Variants in KIF24 observed in about 807,000 individuals in gnomAD.
The protein encoded by KIF24 is kinesin family member 24, also known as kinesin-like protein KIF24.
A neutral mutation model predicts 118.9 loss-of-function variants in KIF24; 81 were observed. That is an observed-to-expected ratio of 0.68 (90% confidence interval 0.57 to 0.82). The LOEUF is 0.82. Ranked by LOEUF, KIF24 falls within the 40% of genes least tolerant of loss-of-function variation. The probability of loss-of-function intolerance (pLI) is 0.00; values close to 1 mark genes in which losing one functional copy is unlikely to be tolerated. For synonymous variants in KIF24, 599 were observed against 610.0 expected, an observed-to-expected ratio of 0.98 and a Z score of 0.27; for missense variants, 1,560 against 1,661.6, an observed-to-expected ratio of 0.94 and a Z score of 1.06.
At chr9:34,310,503 T>G (rs1415054651) in intron 2 of KIF24, among the ~76,000 whole-genome samples, 1 of 152,226 alleles carries the variant, frequency 6.6e-6, no homozygotes, top group African/African-American at 2.4e-5. Context: ...CTGATGTACA[T>G]GAACAATATC....
chr9:34,311,303 G>C lies in KIF24; in HGVS notation c.44C>G (p.Ala15Gly). Residue 15 changes from alanine (A) to glycine (G), a missense_variant, in exon 2 of 13, where the codon GCA becomes GGA. By Grantham distance (60) the Ala-to-Gly change is moderately conservative. Around this residue, in one of 3 missense-constraint regions of KIF24, gnomAD observed 964 missense variants for 988.0 expected, o/e 0.98. Coordinates refer to ENST00000402558, the MANE Select transcript of KIF24 (RefSeq NM_194313.4). ...LYECLCEAEL[A>G]QYYSHFTALG... ...GGCAGTGAAATGAGAATAATACTGT[G>C]CAAGTTCAGCTTCACAAAGACATTC... 1 of 1,593,680 alleles carries C rather than the reference G, an allele frequency of 6.3e-7. No individual in the cohort carries two copies. Among genetic ancestry groups the C allele is most frequent in the East Asian group, 2.2e-5 (1 of 44,548 alleles).
intron 10 of KIF24, among the ~76,000 whole-genome samples, chr9:34,258,464 T>TA (rs1834939564): frequency 6.6e-6 from 1 of 152,178 alleles, no homozygotes; most frequent in South Asian, 2.1e-4. Flanking sequence ...GGTGAGACTC[T>TA]GTCTTTAAAA....
intron 1 of KIF24, among the ~76,000 whole-genome samples, chr9:34,322,177 A>T (rs1587977381): frequency 1.3e-5 from 2 of 152,232 alleles, no homozygotes; most frequent in East Asian, 3.9e-4. Context: ...ATAAGGAAGT[A>T]GTAGACCAAA....
At chr9:34,288,366 T>TCAG (rs1211042928) in intron 5 of KIF24, among the ~76,000 whole-genome samples, 3 of 151,914 alleles carry the variant, frequency 2.0e-5, no homozygotes, top group Non-Finnish European at 2.9e-5. Context: ...CATGTACCTG[T>TCAG]AGTCCCAGTT....
chr9:34,303,258 C>T (rs1029552228), intron 3 of KIF24, among the ~76,000 whole-genome samples: 8 of 152,044 alleles, frequency 5.3e-5, no homozygotes, highest in African/African-American at 1.9e-4. Context: ...AAGCAGAGGC[C>T]AGACCACGTA....
At position 34,318,506 on chromosome 9, in the gene KIF24, A is replaced by T; in HGVS notation, c.-25-7135T>A. On this transcript the variant is annotated intron_variant, in intron 1 of 12. Coordinates refer to ENST00000402558, the MANE Select transcript of KIF24 (RefSeq NM_194313.4). The surrounding 1 kb of genome is among the most constrained non-coding windows in gnomAD (Gnocchi z 4.9). Reference sequence around the variant, plus strand: ...CACAGCAGCTCCTGGCACCGCAGAGAAGCTGAGCCCCAAGGCAGCCACGCT... The same window carrying T: ...CACAGCAGCTCCTGGCACCGCAGAGTAGCTGAGCCCCAAGGCAGCCACGCT... 1.2e-6 allele frequency: 1 copy of T among 868,048 alleles called. No homozygotes were observed. Among genetic ancestry groups the T allele is most frequent in the Non-Finnish European group, 1.9e-6 (1 of 530,408 alleles). The allele number at this position is 868,048 out of a possible 1,614,324, so 53.8% of individuals were successfully genotyped here.
At chr9:34,283,041 A>T (rs1232790590) in intron 6 of KIF24, among the ~76,000 whole-genome samples, 3 of 136,844 alleles carry the variant, frequency 2.2e-5, no homozygotes, top group African/African-American at 8.1e-5. Flanking sequence ...GACAAGAGCA[A>T]AACTCCGTCT....
chr9:34,290,432 A>G, intron 4 of KIF24, 43 bp from the exon 5 acceptor site: 1 of 1,240,208 alleles, frequency 8.1e-7, no homozygotes, highest in Non-Finnish European at 1.2e-6. Context: ...TATTAAGAGA[A>G]GTATTAGTTT....
intron 6 of KIF24, among the ~76,000 whole-genome samples, chr9:34,284,565 T>C (rs1314099653): frequency 6.6e-6 from 1 of 152,272 alleles, no homozygotes; most frequent in Middle Eastern, 3.4e-3. Flanking sequence ...AAGCATAATA[T>C]TGAGCAAAAG....
intron 6 of KIF24, among the ~76,000 whole-genome samples, chr9:34,276,879 A>T (rs1835677639): frequency 6.6e-6 from 1 of 152,154 alleles, no homozygotes; most frequent in East Asian, 1.9e-4. Context: ...GCTGAGAAAA[A>T]AGCACTGCTA....
rs757062155 is a variant in KIF24 at position 34,271,848 on chromosome 9, T to C, written c.1298A>G (p.Gln433Arg). 1.2e-6 allele frequency: 2 copies of C among 1,612,842 alleles called. No homozygotes were observed. The highest frequency in any genetic ancestry group is 1.1e-5 in the South Asian group (1 of 90,656). ...ADSSRSHAVI[Q>R]IQIKDSAKRT... ...CTTGGCTGAATCTTTGATCTGAATT[T>C]GGATGACGGCATGGGAGCGGGAGGA... The change falls in exon 7 of 13, where the codon CAA (glutamine) becomes CGA (arginine). Residue 433 changes from glutamine (Q) to arginine (R), a missense_variant. This residue lies in a region of KIF24 where 964 missense variants were observed against 988.0 expected (regional missense o/e 0.98). Transcript: ENST00000402558.
intron 7 of KIF24, 79 bp downstream of exon 7, chr9:34,271,730 C>T: frequency 1.4e-6 from 2 of 1,480,490 alleles, no homozygotes; most frequent in Non-Finnish European, 1.9e-6. Flanking sequence ...AGCAGGGTAT[C>T]CTGTTGTTGA....
At chr9:34,254,593 C>T in intron 12 of KIF24, 73 bp from the exon 13 acceptor site, 3 of 1,494,986 alleles carry the variant, frequency 2.0e-6, no homozygotes, top group Non-Finnish European at 2.7e-6. Flanking sequence ...TTTTCAGTCC[C>T]TCCTCTGGCA....
chr9:34,262,663 A>ATATATATATGT (rs1835109144), intron 9 of KIF24, among the ~76,000 whole-genome samples: 6 of 43,278 alleles, frequency 1.4e-4, no homozygotes, highest in Non-Finnish European at 2.2e-4. Flanking sequence ...AAAAAAAAAA[A>ATATATATATGT]AAAAAAAAAA....
chr9:34,320,557 C>A (rs551830170), intron 1 of KIF24, among the ~76,000 whole-genome samples: 1 of 146,094 alleles, frequency 6.8e-6, no homozygotes, highest in African/African-American at 2.5e-5. Flanking sequence ...ACTCGGGAGG[C>A]CGAGGCAGGA....
intron 6 of KIF24, 117 bp downstream of exon 6, chr9:34,286,500 C>A: frequency 1.5e-6 from 1 of 672,214 alleles, no homozygotes; most frequent in East Asian, 2.6e-5. Flanking sequence ...AAGTGGTGGG[C>A]TTGTCATTGC....
rs1399349544 is a variant in KIF24, at chr9:34,302,119, C to T, written c.813+4133G>A. 5.3e-5 allele frequency among the ~76,000 whole-genome samples: 8 copies of T among 151,212 alleles called. No individual in the cohort carries two copies. In the East Asian group the frequency reaches 1.4e-3, roughly 26 times the overall value. ...ACGCCATTCTCCTGCCTCAGCCTCC[C>T]TAGTAGCTGGGACTACAGGCGCCTG... On this transcript the variant is annotated intron_variant, in intron 3 of 12. Coordinates refer to ENST00000402558, the MANE Select transcript of KIF24 (RefSeq NM_194313.4).
chr9:34,305,648 G>A (rs1228308705), intron 3 of KIF24, among the ~76,000 whole-genome samples: 1 of 152,158 alleles, frequency 6.6e-6, no homozygotes. Flanking sequence ...CTGTTGCCCA[G>A]GCTGGAGTGC....
At chr9:34,290,083 T>A (rs1836193875) in intron 5 of KIF24, 91 bp downstream of exon 5, 1 of 837,860 alleles carries the variant, frequency 1.2e-6, no homozygotes, top group Non-Finnish European at 1.9e-6. Flanking sequence ...TACCAAAGCA[T>A]CTCATTAAAG....
Sources: gnomAD v4.1 joint callset for allele counts (sites outside exome capture counted in the v4.1 genomes callset) on GRCh38, gnomAD v4.1.1 for gene constraint, gnomAD v4.1.1 regional missense constraint, Gnocchi (gnomAD v3.1) non-coding constraint, MANE v1.5 for transcripts, NCBI Gene and HGNC (gene_info 2026-07-23, HGNC 2026-07-21) for gene names.